Variants in CATSPERH observed in about 807,000 individuals in gnomAD.
CATSPERH encodes catsper channel auxiliary subunit eta.
chr11:65,088,557 G>A, the CATSPERH span: 1 of 1,526,120 alleles, frequency 6.6e-7, no homozygotes, highest in Non-Finnish European at 8.8e-7. Context: ...AGCCCCCCAT[G>A]AGCCCCAGTA....
At chr11:65,088,785 G>A in the CATSPERH span, 7 of 1,534,026 alleles carry the variant, frequency 4.6e-6, no homozygotes, top group Admixed American at 3.9e-5. Flanking sequence ...TGGCCCCCTC[G>A]CACAACAGTG....
At chr11:65,088,585 C>G in the CATSPERH span, 3,060 of 1,524,946 alleles carry the variant, frequency 2.0e-3, 3 homozygotes, top group Non-Finnish European at 2.5e-3. Flanking sequence ...CTGGCTACTC[C>G]TTGCCACATC....
the CATSPERH span, chr11:65,088,561 C>T: frequency 6.6e-7 from 1 of 1,526,064 alleles, no homozygotes; most frequent in East Asian, 2.4e-5. Context: ...CCCCATGAGC[C>T]CCAGTACCCT....
At chr11:65,088,650 C>T in the CATSPERH span, 1 of 1,536,314 alleles carries the variant, frequency 6.5e-7, no homozygotes, top group Non-Finnish European at 8.7e-7. Context: ...CTGCCACTCA[C>T]TCAGGATGGT....
At chr11:65,088,816 G>T in the CATSPERH span, 1 of 1,535,410 alleles carries the variant, frequency 6.5e-7, no homozygotes, top group Non-Finnish European at 8.7e-7. Context: ...CAGCCCCTCG[G>T]GTCTCCCACA....
chr11:65,089,011 G>C, the CATSPERH span: 1 of 1,535,702 alleles, frequency 6.5e-7, no homozygotes, highest in Non-Finnish European at 8.7e-7. Context: ...AGAACGTGGC[G>C]ATGCGGTCTT....
At chr11:65,088,448 C>G in the CATSPERH span, 24 of 1,536,282 alleles carry the variant, frequency 1.6e-5, no homozygotes, top group Non-Finnish European at 2.1e-5. Context: ...TTCCGACTCC[C>G]CAGGCCTCAG....
chr11:65,088,595 C>G, the CATSPERH span: 6 of 1,528,966 alleles, frequency 3.9e-6, no homozygotes, highest in African/African-American at 4.1e-5. Context: ...CTTGCCACAT[C>G]TCAGGGTTCC....
At chr11:65,088,804 A>C in the CATSPERH span, 1 of 1,535,254 alleles carries the variant, frequency 6.5e-7, no homozygotes, top group Non-Finnish European at 8.7e-7. Context: ...TGGGGTTTCC[A>C]TCAGCCCCTC....
the CATSPERH span, chr11:65,088,978 G>A: frequency 6.5e-7 from 1 of 1,535,754 alleles, no homozygotes. Flanking sequence ...CAGCCGTGGT[G>A]AGCATCATGC....
chr11:65,088,930 G>T, the CATSPERH span: 20 of 1,535,782 alleles, frequency 1.3e-5, no homozygotes, highest in Non-Finnish European at 1.7e-5. Context: ...GCACGTCTCT[G>T]ATGAAGATGC....
the CATSPERH span, chr11:65,089,015 C>T: frequency 5.6e-5 from 86 of 1,535,526 alleles, no homozygotes; most frequent in South Asian, 1.3e-4. Context: ...CGTGGCGATG[C>T]GGTCTTGCAG....
chr11:65,088,419 T>C, the CATSPERH span: 46 of 1,532,334 alleles, frequency 3.0e-5, no homozygotes, highest in Non-Finnish European at 3.9e-5. Flanking sequence ...AGCCTTTTGC[T>C]TCCCCCTCCT....
chr11:65,089,028 A>G, the CATSPERH span: 1,535,004 of 1,535,474 alleles, frequency 1, 767,268 homozygotes, highest in Non-Finnish European at 1. Flanking sequence ...TCTTGCAGCC[A>G]CATCTTGCCC....
the CATSPERH span, chr11:65,088,579 C>G: frequency 6.6e-7 from 1 of 1,522,536 alleles, no homozygotes; most frequent in African/African-American, 1.4e-5. Flanking sequence ...CCTTCCCTGG[C>G]TACTCCTTGC....
the CATSPERH span, chr11:65,089,072 A>G: frequency 2.7e-6 from 4 of 1,492,300 alleles, no homozygotes; most frequent in Non-Finnish European, 3.6e-6. Context: ...TGAGAGCTGG[A>G]GCAAGCAGGC....
At chr11:65,088,601 G>A in the CATSPERH span, 5 of 1,530,388 alleles carry the variant, frequency 3.3e-6, no homozygotes, top group Middle Eastern at 3.3e-4. Context: ...ACATCTCAGG[G>A]TTCCAAAGCT....
the CATSPERH span, chr11:65,088,402 C>T: frequency 6.6e-7 from 1 of 1,506,460 alleles, no homozygotes; most frequent in Non-Finnish European, 8.9e-7. Context: ...ATTAAAACAC[C>T]CGAGGCAGCC....
At chr11:65,088,457 A>C in the CATSPERH span, 1 of 1,536,238 alleles carries the variant, frequency 6.5e-7, no homozygotes, top group Non-Finnish European at 8.7e-7. Flanking sequence ...CCCAGGCCTC[A>C]GTGGTGCTCC....
Sources: gnomAD v4.1 joint callset for allele counts on GRCh38, gnomAD v4.1.1 for gene constraint, MANE v1.5 for transcripts, NCBI Gene and HGNC (gene_info 2026-07-23, HGNC 2026-07-21) for gene names.